Variants in PKD1L1 observed in about 807,000 individuals in gnomAD.
PKD1L1 encodes the protein polycystin-1-like protein 1.
PKD1L1 carries 236 observed loss-of-function variants against 323.4 expected under a neutral mutation model. That is an observed-to-expected ratio of 0.73 (90% CI 0.66 to 0.81). PKD1L1 has a LOEUF of 0.81. PKD1L1 is among the 40% of genes least tolerant of loss of function. The pLI, the probability that PKD1L1 is intolerant of heterozygous loss-of-function variation, is 0.00. For missense variants in PKD1L1, 3,320 were observed against 3,508.0 expected (o/e 0.95, Z 1.35); for synonymous variants, 1,344 against 1,335.0 (o/e 1.01, Z -0.15).
chr7:47,827,263 T>G, intron 45 of PKD1L1, 87 bp downstream of exon 45: 1 of 1,186,962 alleles, frequency 8.4e-7, no homozygotes, highest in Non-Finnish European at 1.2e-6. Context: ...GAGAACAATC[T>G]CCCAGGAGGA....
intron 11 of PKD1L1, 121 bp downstream of exon 11, chr7:47,905,036 G>T: frequency 9.4e-7 from 1 of 1,068,138 alleles, no homozygotes; most frequent in Non-Finnish European, 1.4e-6. Flanking sequence ...AGGACCTAGT[G>T]GCCCATTATA....
chr7:47,856,845 C>T (rs963005346), intron 28 of PKD1L1, among the ~76,000 whole-genome samples: 1 of 152,170 alleles, frequency 6.6e-6, no homozygotes, highest in African/African-American at 2.4e-5. Flanking sequence ...TTTGTCCATA[C>T]ATCCATCAGA....
intron 37 of PKD1L1, among the ~76,000 whole-genome samples, chr7:47,836,083 G>C (rs537404734): frequency 1.9e-4 from 29 of 152,332 alleles, no homozygotes; most frequent in Admixed American, 5.9e-4. Context: ...TCTATTTCCA[G>C]GTGGACGGAG....
At chr7:47,910,443 T>C (rs1787295621) in intron 8 of PKD1L1, among the ~76,000 whole-genome samples, 1 of 149,058 alleles carries the variant, frequency 6.7e-6, no homozygotes, top group Non-Finnish European at 1.5e-5. Context: ...CACGCCATTC[T>C]CCTGCCTCAG....
rs1322200327 is a variant in PKD1L1 at position 47,800,861 on chromosome 7, G to C, written c.7981C>G (p.Leu2661Val). ...FVAGLVGALM[L>V]AALSHLHRFL... ...CGGTGCAGGTGGGAGAGGGCGGCCA[G>C]CATCAGTGCCCCCACCAGCTGCAGA... Residue 2661 changes from leucine (L) to valine (V), a missense_variant, in exon 54 of 57, where the codon CTG becomes GTG. Coordinates refer to ENST00000289672, the MANE Select transcript of PKD1L1 (RefSeq NM_138295.5). The C allele has an allele frequency of 3.1e-6, 5 of 1,613,978 alleles. No individual in the cohort carries two copies. The highest frequency in any genetic ancestry group is 4.2e-6 in the Non-Finnish European group (5 of 1,179,960).
chr7:47,876,306 T>C, intron 22 of PKD1L1, 89 bp from the exon 23 acceptor site: 1 of 1,441,846 alleles, frequency 6.9e-7, no homozygotes, highest in Non-Finnish European at 9.5e-7. Context: ...TGAGCCTTCA[T>C]TGTACCAAGG....
chr7:47,941,635 C>T (rs1289849120), intron 2 of PKD1L1, among the ~76,000 whole-genome samples: 1 of 152,118 alleles, frequency 6.6e-6, no homozygotes, highest in Non-Finnish European at 1.5e-5. Context: ...CATTGAGCAC[C>T]CATGCAGGCT....
chr7:47,950,328 A>G (rs1788185742), upstream of PKD1L1, among the ~76,000 whole-genome samples: 1 of 152,138 alleles, frequency 6.6e-6, no homozygotes, highest in Non-Finnish European at 1.5e-5. Context: ...CTACATTTAA[A>G]GTTTGTGATG....
intron 8 of PKD1L1, among the ~76,000 whole-genome samples, chr7:47,914,250 T>C (rs1787382214): frequency 6.6e-6 from 1 of 152,232 alleles, no homozygotes; most frequent in Non-Finnish European, 1.5e-5. Flanking sequence ...GAAATGTATT[T>C]TAAAATGCAC....
rs936481625 is a variant in PKD1L1, at chr7:47,946,092, C to A, written c.44+2305G>T. 6.6e-6 allele frequency among the ~76,000 whole-genome samples: 1 copy of A among 152,058 alleles called. No individual in the cohort carries two copies. Among genetic ancestry groups the A allele is most frequent in the African/African-American group, 2.4e-5 (1 of 41,372 alleles). ...CCTGGTGTTGTGAGGAGGCAGGTCC[C>A]CAGGCCCTGGCACAGAATCAGCACC... On this transcript the variant is annotated intron_variant, in intron 1 of 56. Coordinates refer to ENST00000289672, the MANE Select transcript of PKD1L1 (RefSeq NM_138295.5). The surrounding 1 kb of genome is among the most constrained non-coding windows in gnomAD (Gnocchi z 4.1).
intron 19 of PKD1L1, 59 bp from the exon 20 acceptor site, chr7:47,882,144 G>A: frequency 1.3e-6 from 2 of 1,540,648 alleles, no homozygotes; most frequent in Admixed American, 3.6e-5. Context: ...TGATCTTAAA[G>A]CATTAGTGAT....
rs1293290587 is a variant in PKD1L1 at position 47,815,408 on chromosome 7, C to T, written c.7015G>A (p.Asp2339Asn). 2 of 1,613,970 alleles carry T rather than the reference C, an allele frequency of 1.2e-6. No homozygotes were observed. The highest frequency in any genetic ancestry group is 2.7e-5 in the African/African-American group (2 of 74,928). ...GGLRNIADWWDWSLTTLLDGL... is the reference protein window; with the variant it reads ...GGLRNIADWWNWSLTTLLDGL... The stretch of plus-strand genomic sequence containing the variant: ...TCCAGAAGTGTGGTCAGACTCCAGT[C>T]CCACCAGTCAGCGATGTTTCTCAGG... The change falls in exon 47 of 57, where the codon GAC (aspartate) becomes AAC (asparagine). Residue 2339 changes from aspartate (D) to asparagine (N), a missense_variant. Coordinates refer to ENST00000289672, the MANE Select transcript of PKD1L1 (RefSeq NM_138295.5).
At chr7:47,942,690 G>A (rs181352705) in intron 2 of PKD1L1, among the ~76,000 whole-genome samples, 1 of 152,192 alleles carries the variant, frequency 6.6e-6, no homozygotes, top group East Asian at 1.9e-4. Flanking sequence ...CACACCTGTG[G>A]CCATGCAGAC....
chr7:47,815,873 A>G (rs1368171835), intron 46 of PKD1L1, among the ~76,000 whole-genome samples: 3 of 151,662 alleles, frequency 2.0e-5, no homozygotes, highest in African/African-American at 7.3e-5. Context: ...AAAGCAGGAA[A>G]GACAGGCAAG....
chr7:47,810,191 G>A (rs1784864973), intron 50 of PKD1L1, among the ~76,000 whole-genome samples: 1 of 152,098 alleles, frequency 6.6e-6, no homozygotes, highest in South Asian at 2.1e-4. Context: ...TTGGAGTTAT[G>A]TGCATTGTGT....
Position 47,884,604 on chromosome 7 carries a change from G to C in PKD1L1, c.3259C>G (p.Gln1087Glu), listed in dbSNP as rs761999526. 3 of 1,613,892 alleles carry C rather than the reference G, an allele frequency of 1.9e-6. No homozygotes were observed. The highest frequency in any genetic ancestry group is 2.2e-5 in the East Asian group (1 of 44,874). The change falls in exon 19 of 57, where the codon CAG becomes GAG. Residue 1087 changes from glutamine to glutamate, a missense_variant. By Grantham distance (29) the Gln-to-Glu change is conservative. Transcript: ENST00000289672. ...IQEAIPSGGR[Q>E]PAKDTSFPGS... ...GGCATAGAAGCACAGTCACCTGGCT[G>C]TCTTCCTCCCGATGGTATTGCTTCT...
At chr7:47,816,011 C>T (rs940224756) in intron 46 of PKD1L1, among the ~76,000 whole-genome samples, 9 of 152,070 alleles carry the variant, frequency 5.9e-5, no homozygotes, top group Non-Finnish European at 1.0e-4. Flanking sequence ...GAGGGGACGG[C>T]GAGGGCTTCC....
chr7:47,789,680 C>T (rs1233188259), intron 56 of PKD1L1, among the ~76,000 whole-genome samples: 3 of 152,234 alleles, frequency 2.0e-5, no homozygotes, highest in South Asian at 4.1e-4. Flanking sequence ...TCTGTCAGTG[C>T]TTTCTGCTAA....
At chr7:47,847,131 AT>A in intron 31 of PKD1L1, 60 bp from the exon 32 acceptor site, 1 of 1,371,598 alleles carries the variant, frequency 7.3e-7, no homozygotes, top group Non-Finnish European at 9.7e-7. Context: ...GGCATTCTCC[AT>A]TTCAAACGCA....
Sources: gnomAD v4.1 joint callset for allele counts (sites outside exome capture counted in the v4.1 genomes callset) on GRCh38, gnomAD v4.1.1 for gene constraint, Gnocchi (gnomAD v3.1) non-coding constraint, MANE v1.5 for transcripts, NCBI Gene and HGNC (gene_info 2026-07-23, HGNC 2026-07-21) for gene names.